GALNT17: variants seen among roughly 807,000 people sequenced by gnomAD.
The protein encoded by GALNT17 is polypeptide N-acetylgalactosaminyltransferase 17, also known as UDP-GalNAc:polypeptide N-acetylgalactosaminyltransferase-like 3.
In GALNT17, 29 loss-of-function variants were observed where a neutral mutation model predicts 63.7. The ratio of observed to expected loss-of-function variants is 0.46; its 90% CI spans 0.34 to 0.62. The LOEUF (loss-of-function observed/expected upper bound fraction) is 0.62, where lower values mean the gene tolerates loss of function less well. Ranked by LOEUF, GALNT17 falls within the 20% of genes least tolerant of loss-of-function variation. The pLI, the probability that GALNT17 is intolerant of heterozygous loss-of-function variation, is 0.01. For missense variants in GALNT17, 603 were observed against 799.6 expected (o/e 0.75, Z 2.97); for synonymous variants, 305 against 318.3 (o/e 0.96, Z 0.45).
chr7:71,416,903 A>G (rs73363721), intron 4 of GALNT17, among the ~76,000 whole-genome samples: 6,915 of 152,272 alleles, frequency 0.045, 564 homozygotes, highest in African/African-American at 0.16. Context: ...AAAGAACAGA[A>G]TGTGAGAAAT....
intron 1 of GALNT17, among the ~76,000 whole-genome samples, chr7:71,243,618 T>C (rs886161773): frequency 6.6e-6 from 1 of 152,016 alleles, no homozygotes; most frequent in Non-Finnish European, 1.5e-5. Flanking sequence ...TTGCCCAGGC[T>C]GGACTCAAAC....
At chr7:71,321,906 C>CCTTCCTTCCTTT (rs1563001132) in intron 1 of GALNT17, among the ~76,000 whole-genome samples, 3 of 104,980 alleles carry the variant, frequency 2.9e-5, no homozygotes, top group Non-Finnish European at 5.6e-5. Context: ...TTCCTTCCTT[C>CCTTCCTTCCTTT]CTTCCTTCCT....
chr7:71,602,626 A>C (rs772346532), intron 6 of GALNT17, among the ~76,000 whole-genome samples: 1 of 152,194 alleles, frequency 6.6e-6, no homozygotes. Flanking sequence ...TCTGGGGGAT[A>C]CACAGGGCCT....
intron 1 of GALNT17, among the ~76,000 whole-genome samples, chr7:71,153,550 C>T (rs950821325): frequency 4.6e-5 from 7 of 152,086 alleles, no homozygotes; most frequent in Non-Finnish European, 7.3e-5. Context: ...GTCAGAGTTG[C>T]ATTTTGGGAA....
intron 1 of GALNT17, among the ~76,000 whole-genome samples, chr7:71,212,825 G>T (rs1224638668): frequency 6.6e-6 from 1 of 152,124 alleles, no homozygotes; most frequent in Non-Finnish European, 1.5e-5. Context: ...CTCCCATTTG[G>T]AACAGCTCTA....
intron 6 of GALNT17, among the ~76,000 whole-genome samples, chr7:71,598,866 G>A (rs950882152): frequency 1.1e-4 from 16 of 151,962 alleles, no homozygotes; most frequent in Non-Finnish European, 4.4e-5. Flanking sequence ...AAAGAACGGG[G>A]GGGATTGCGT....
chr7:71,189,510 G>C (rs1354607171), intron 1 of GALNT17, among the ~76,000 whole-genome samples: 1 of 152,140 alleles, frequency 6.6e-6, no homozygotes, highest in Non-Finnish European at 1.5e-5. Flanking sequence ...CTGGTGTGCA[G>C]GTCTCAGTCT....
intron 5 of GALNT17, among the ~76,000 whole-genome samples, chr7:71,559,520 A>T (rs1367075583): frequency 2.0e-5 from 3 of 152,118 alleles, no homozygotes; most frequent in Admixed American, 2.0e-4. Context: ...CAGTTGGAAA[A>T]TGGGGCTAAT....
chr7:71,524,243 T>A (rs1355272487), intron 5 of GALNT17, among the ~76,000 whole-genome samples: 1 of 147,352 alleles, frequency 6.8e-6, no homozygotes, highest in South Asian at 2.1e-4. Context: ...ATATATATAA[T>A]AATAATATAT....
In GALNT17 at chr7:71,408,865, CCTGTCT is replaced by C. The variant is rs371956316; in HGVS notation, c.590-7007_590-7002del. Among the ~76,000 whole-genome samples the C allele has an allele frequency of 3.6e-3, 539 of 151,698 alleles. 1 individual carries two copies. The highest frequency in any genetic ancestry group is 0.01 in the Middle Eastern group (3 of 294). Reference sequence around the variant, plus strand: ...TCCAGCCTGGGCAACAAGGCCAGACCCTGTCTCTGTCTCTGTCTCTGTATATGTGTG... The same window carrying C: ...TCCAGCCTGGGCAACAAGGCCAGACCCTGTCTCTGTCTCTGTATATGTGTG... On this transcript the variant is annotated intron_variant, in intron 3 of 10. Coordinates refer to ENST00000333538, the MANE Select transcript of GALNT17 (RefSeq NM_022479.3).
At chr7:71,684,354 G>T (rs963523411) in intron 9 of GALNT17, among the ~76,000 whole-genome samples, 1 of 152,204 alleles carries the variant, frequency 6.6e-6, no homozygotes, top group Non-Finnish European at 1.5e-5. Context: ...TAGGGGTAGT[G>T]CTGACCCCAG....
At chr7:71,227,235 G>A (rs1789697443) in intron 1 of GALNT17, among the ~76,000 whole-genome samples, 1 of 148,594 alleles carries the variant, frequency 6.7e-6, no homozygotes, top group Non-Finnish European at 1.5e-5. Flanking sequence ...ATGGTGGTAT[G>A]TGCCAGTAGT....
chr7:71,270,538 C>CAAAAAAAAAAAA (rs573250852), intron 1 of GALNT17, among the ~76,000 whole-genome samples: 1 of 89,206 alleles, frequency 1.1e-5, no homozygotes, highest in Non-Finnish European at 2.1e-5. Flanking sequence ...CCCACCCCAC[C>CAAAAAAAAAAAA]AAAAAAAAAA....
intron 3 of GALNT17, among the ~76,000 whole-genome samples, chr7:71,413,032 G>C (rs1322958736): frequency 2.0e-5 from 3 of 152,160 alleles, no homozygotes; most frequent in African/African-American, 7.2e-5. Flanking sequence ...GGCTGAGCAA[G>C]CTTCCATCTG....
intron 2 of GALNT17, among the ~76,000 whole-genome samples, chr7:71,371,811 G>A (rs1278924649): frequency 6.6e-6 from 1 of 152,160 alleles, no homozygotes; most frequent in African/African-American, 2.4e-5. Flanking sequence ...AGATAGGAAA[G>A]GACCCCCAAC....
chr7:71,267,072 C>T (rs1790504162), intron 1 of GALNT17, among the ~76,000 whole-genome samples: 1 of 152,212 alleles, frequency 6.6e-6, no homozygotes, highest in Non-Finnish European at 1.5e-5. Context: ...CATGCAAAAG[C>T]CCATCCCCGA....
At chr7:71,417,845 A>G (rs1337012665) in intron 4 of GALNT17, among the ~76,000 whole-genome samples, 2 of 152,028 alleles carry the variant, frequency 1.3e-5, no homozygotes, top group Non-Finnish European at 2.9e-5. Context: ...TCCCCTTGCC[A>G]TCATGTTACT....
At chr7:71,582,418 CAA>C (rs551430762) in intron 6 of GALNT17, among the ~76,000 whole-genome samples, 1,916 of 116,824 alleles carry the variant, frequency 0.016, 52 homozygotes, top group African/African-American at 0.054. Context: ...ATTAAAAATA[CAA>C]AAAAAAAAAA....
chr7:71,307,519 C>A (rs1040036456), intron 1 of GALNT17, among the ~76,000 whole-genome samples: 1 of 151,716 alleles, frequency 6.6e-6, no homozygotes, highest in Non-Finnish European at 1.5e-5. Flanking sequence ...TATAATACAG[C>A]TTATCAAGTG....
Sources: gnomAD v4.1 joint callset for allele counts (sites outside exome capture counted in the v4.1 genomes callset) on GRCh38, gnomAD v4.1.1 for gene constraint, MANE v1.5 for transcripts, NCBI Gene and HGNC (gene_info 2026-07-23, HGNC 2026-07-21) for gene names.